Variants in NRXN3 observed in about 807,000 individuals in gnomAD.
NRXN3 encodes neurexin III.
A neutral mutation model predicts 137.6 loss-of-function variants in NRXN3; 32 were observed. That is an observed-to-expected ratio of 0.23 (90% CI 0.18 to 0.31). NRXN3 has a LOEUF of 0.31. Ranked by LOEUF, NRXN3 falls within the 10% of genes least tolerant of loss-of-function variation. The probability of loss-of-function intolerance (pLI) is 1.00; values close to 1 mark genes in which losing one functional copy is unlikely to be tolerated. For synonymous variants in NRXN3, 798 were observed against 784.5 expected, an observed-to-expected ratio of 1.02 and a Z score of -0.29; for missense variants, 1,574 against 2,062.5, an observed-to-expected ratio of 0.76 and a Z score of 4.59.
chr14:79,629,814 C>CGT (rs1567714148), intron 16 of NRXN3, among the ~76,000 whole-genome samples: 3 of 92,794 alleles, frequency 3.2e-5, no homozygotes, highest in Admixed American at 9.8e-5. Flanking sequence ...TGTGTATGTG[C>CGT]GTGTGTGTGT....
intron 11 of NRXN3, 58 bp downstream of exon 11, chr14:78,957,419 A>C: frequency 1.3e-6 from 2 of 1,579,232 alleles, no homozygotes; most frequent in South Asian, 1.2e-5. Flanking sequence ...TCAGTCACTG[A>C]GTGAGCAAAC....
In NRXN3 at chr14:79,087,090, T is replaced by A. The variant is rs796809483; in HGVS notation, c.3262+98949T>A. ...CCAACCTGAAGATCAATTCCTTGTC[T>A]ACGAGGAACATCTGATCCCCTGGCC... On this transcript the variant is annotated intron_variant, in intron 15 of 20. Transcript: ENST00000335750. Among the ~76,000 whole-genome samples the A allele has an allele frequency of 5.9e-5, 9 of 152,168 alleles. No individual in the cohort carries two copies. The East Asian group carries it at 1.7e-3, about 29-fold the overall frequency.
intron 10 of NRXN3, among the ~76,000 whole-genome samples, chr14:78,940,749 G>A (rs61994018): frequency 0.025 from 3,749 of 152,160 alleles, 67 homozygotes; most frequent in Middle Eastern, 0.048. Flanking sequence ...CCCAACTACC[G>A]TGTACTCCCA....
intron 15 of NRXN3, among the ~76,000 whole-genome samples, chr14:79,125,192 A>G (rs2056187142): frequency 6.6e-6 from 1 of 151,990 alleles, no homozygotes; most frequent in Non-Finnish European, 1.5e-5. Context: ...TCGACTCAAC[A>G]TCTCCTTCTT....
chr14:79,206,640 T>G (rs1299172620), intron 15 of NRXN3, among the ~76,000 whole-genome samples: 1 of 152,216 alleles, frequency 6.6e-6, no homozygotes, highest in Non-Finnish European at 1.5e-5. Flanking sequence ...CAATACCTTT[T>G]CTAATGAGTT....
At chr14:78,953,605 G>A (rs1324699960) in intron 10 of NRXN3, among the ~76,000 whole-genome samples, 2 of 152,178 alleles carry the variant, frequency 1.3e-5, no homozygotes, top group Non-Finnish European at 2.9e-5. Flanking sequence ...TTTTTACAAA[G>A]TTCTGCATCC....
At chr14:79,858,144 CTT>C (rs561232071) in intron 20 of NRXN3, among the ~76,000 whole-genome samples, 3,033 of 140,986 alleles carry the variant, frequency 0.022, 107 homozygotes, top group African/African-American at 0.075. Flanking sequence ...TGTGGTTACT[CTT>C]TTTTTTTTTT....
chr14:79,216,246 G>A (rs1482463182), intron 15 of NRXN3, among the ~76,000 whole-genome samples: 1 of 152,196 alleles, frequency 6.6e-6, no homozygotes, highest in African/African-American at 2.4e-5. Context: ...GGCTTTTCAT[G>A]CATGGTGGCT....
chr14:78,872,722 C>G (rs1251810799), intron 10 of NRXN3, among the ~76,000 whole-genome samples: 2 of 152,084 alleles, frequency 1.3e-5, no homozygotes, highest in African/African-American at 2.4e-5. Context: ...TCTTTTCTCT[C>G]AAGTCATTTT....
chr14:78,554,523 T>C (rs1033090603), intron 4 of NRXN3, among the ~76,000 whole-genome samples: 6 of 152,126 alleles, frequency 3.9e-5, no homozygotes, highest in African/African-American at 1.4e-4. Context: ...ACGTTATAGG[T>C]CACTCTGTGC....
At chr14:79,390,393 C>T (rs1279804105) in intron 15 of NRXN3, among the ~76,000 whole-genome samples, 2 of 151,860 alleles carry the variant, frequency 1.3e-5, no homozygotes, top group African/African-American at 4.8e-5. Context: ...CTTTAACATT[C>T]CTATCTTCAT....
chr14:78,794,778 CA>C (rs2098816248), intron 8 of NRXN3, among the ~76,000 whole-genome samples: 1 of 151,844 alleles, frequency 6.6e-6, no homozygotes. Flanking sequence ...TACTATTTAA[CA>C]AAATTAAATC....
At chr14:79,453,621 C>T (rs2096212144) in intron 15 of NRXN3, among the ~76,000 whole-genome samples, 1 of 152,200 alleles carries the variant, frequency 6.6e-6, no homozygotes, top group South Asian at 2.1e-4. Context: ...TTGCTTGGGA[C>T]TTAAAATCAT....
intron 4 of NRXN3, among the ~76,000 whole-genome samples, chr14:78,485,475 A>C (rs2095546931): frequency 6.6e-6 from 1 of 152,200 alleles, no homozygotes; most frequent in Admixed American, 6.5e-5. Flanking sequence ...GTGTCCAAGC[A>C]CTGTAGAATA....
chr14:79,475,718 C>A (rs188181222), intron 16 of NRXN3, among the ~76,000 whole-genome samples: 47 of 152,200 alleles, frequency 3.1e-4, no homozygotes, highest in Non-Finnish European at 5.7e-4. Flanking sequence ...CTTCAACTAA[C>A]TCATTTTAAC....
intron 8 of NRXN3, among the ~76,000 whole-genome samples, chr14:78,761,043 G>A (rs547050656): frequency 3.3e-5 from 5 of 152,214 alleles, no homozygotes; most frequent in Non-Finnish European, 2.9e-5. Flanking sequence ...GAGGTATTTC[G>A]ATGTGTTTCA....
intron 15 of NRXN3, chr14:79,314,251 G>T (rs1165680758): frequency 7.6e-6 from 1 of 132,388 alleles, no homozygotes; most frequent in Non-Finnish European, 1.6e-5. Flanking sequence ...TGCCTCACCT[G>T]GGAAGCGCAA....
At chr14:79,096,627 G>A (rs941277365) in intron 15 of NRXN3, among the ~76,000 whole-genome samples, 1 of 151,360 alleles carries the variant, frequency 6.6e-6, no homozygotes, top group Non-Finnish European at 1.5e-5. Flanking sequence ...AAAACTACTA[G>A]CACTATATCA....
intron 4 of NRXN3, among the ~76,000 whole-genome samples, chr14:78,313,559 T>C (rs141308568): frequency 1.3e-5 from 2 of 152,276 alleles, no homozygotes; most frequent in East Asian, 3.9e-4. Context: ...ATCCCCATTT[T>C]CACAGGCAAG....
Sources: gnomAD v4.1 joint callset for allele counts (sites outside exome capture counted in the v4.1 genomes callset) on GRCh38, gnomAD v4.1.1 for gene constraint, MANE v1.5 for transcripts, NCBI Gene and HGNC (gene_info 2026-07-23, HGNC 2026-07-21) for gene names.